CNTRL: variants seen among roughly 807,000 people sequenced by gnomAD.
CNTRL encodes the protein 110 kDa centrosomal protein.
Under a neutral mutation model 303.7 loss-of-function variants are expected in CNTRL, and 233 were observed. The ratio of observed to expected loss-of-function variants is 0.77; its 90% confidence interval spans 0.69 to 0.86. The LOEUF (loss-of-function observed/expected upper bound fraction) is 0.86. Among genes scored for constraint, CNTRL ranks in the 40% least tolerant of loss-of-function variants. CNTRL has a pLI of 0.00. For missense variants in CNTRL, 2,524 were observed against 2,650.6 expected, an observed-to-expected ratio of 0.95 and a Z score of 1.05; for synonymous variants, 900 against 922.2, an observed-to-expected ratio of 0.98 and a Z score of 0.44.
intron 26 of CNTRL, 145 bp downstream of exon 26, chr9:121,152,838 A>G: frequency 1.5e-6 from 1 of 650,070 alleles, no homozygotes; most frequent in Non-Finnish European, 2.7e-6. Context: ...TGAGCACTTG[A>G]AATGTGGCTG....
At chr9:121,107,515 G>T (rs2132980263) in intron 7 of CNTRL, among the ~76,000 whole-genome samples, 1 of 152,166 alleles carries the variant, frequency 6.6e-6, no homozygotes, top group Admixed American at 6.5e-5. Flanking sequence ...AATATTGCAT[G>T]TTTTTCAAAG....
At chr9:121,102,709 A>T (rs2132765987) in intron 7 of CNTRL, among the ~76,000 whole-genome samples, 1 of 152,368 alleles carries the variant, frequency 6.6e-6, no homozygotes, top group Non-Finnish European at 1.5e-5. Context: ...CTCTCAGGAT[A>T]CAAAATCAAT....
At chr9:121,126,507 A>G (rs1231507038) in intron 14 of CNTRL, among the ~76,000 whole-genome samples, 1 of 152,182 alleles carries the variant, frequency 6.6e-6, no homozygotes, top group Non-Finnish European at 1.5e-5. Context: ...TTGAATTAAT[A>G]TATTTTAATA....
intron 43 of CNTRL, among the ~76,000 whole-genome samples, chr9:121,176,813 A>C (rs1047229390): frequency 1.3e-5 from 2 of 152,150 alleles, no homozygotes; most frequent in African/African-American, 2.4e-5. Flanking sequence ...AACAGATACT[A>C]CACTTGATCT....
At chr9:121,138,494 A>G (rs1335757733) in intron 15 of CNTRL, 51 bp from the exon 16 acceptor site, 1 of 1,574,296 alleles carries the variant, frequency 6.4e-7, no homozygotes, top group East Asian at 2.3e-5. Context: ...TTTTAAAATC[A>G]TAAATTATTG....
intron 2 of CNTRL, among the ~76,000 whole-genome samples, chr9:121,088,057 A>G (rs1048601345): frequency 1.3e-5 from 2 of 152,200 alleles, no homozygotes; most frequent in African/African-American, 4.8e-5. Context: ...CAGAACAGGA[A>G]TGACAACACT....
intron 14 of CNTRL, among the ~76,000 whole-genome samples, chr9:121,133,261 T>C (rs2050978408): frequency 6.6e-6 from 1 of 152,234 alleles, no homozygotes; most frequent in Admixed American, 6.5e-5. Context: ...AGTCTACATG[T>C]AGAGGCAGAG....
chr9:121,081,937 G>T (rs1348373890), intron 2 of CNTRL, among the ~76,000 whole-genome samples: 2 of 152,160 alleles, frequency 1.3e-5, no homozygotes, highest in Non-Finnish European at 2.9e-5. Context: ...AGTCTTTCTG[G>T]TGACTGGCCC....
intron 7 of CNTRL, among the ~76,000 whole-genome samples, chr9:121,106,199 T>C (rs796615858): frequency 7.3e-5 from 11 of 151,714 alleles, no homozygotes; most frequent in African/African-American, 2.7e-4. Context: ...ATTAGCTGGG[T>C]GTGGTTTTGG....
chr9:121,147,356 G>A (rs532220192), intron 23 of CNTRL, among the ~76,000 whole-genome samples: 1 of 151,900 alleles, frequency 6.6e-6, no homozygotes, highest in East Asian at 1.9e-4. Flanking sequence ...ACTTAATTAT[G>A]TAGGCCATAA....
chr9:121,167,593 A>G lies in CNTRL; in HGVS notation c.5760A>G (p.Lys1920=), dbSNP rs1436958638. ...EWANRFEDCQ[K]EEETKQQQLQ... Reference sequence around the variant, plus strand: ...CAAATAGGTTTGAAGACTGTCAGAAAGAAGAGGAGACAAAACAACAACAAC... The same window carrying G: ...CAAATAGGTTTGAAGACTGTCAGAAGGAAGAGGAGACAAAACAACAACAAC... The change falls in exon 37 of 44, where the codon AAA becomes AAG. Residue 1920 remains lysine, a synonymous_variant. Transcript: ENST00000373855. 1.9e-6 allele frequency: 3 copies of G among 1,614,220 alleles called. No individual in the cohort carries two copies. The South Asian group carries it at 3.3e-5, about 18-fold the overall frequency.
chr9:121,108,389 C>T (rs988365625), intron 8 of CNTRL, among the ~76,000 whole-genome samples: 3 of 152,116 alleles, frequency 2.0e-5, no homozygotes, highest in African/African-American at 4.8e-5. Context: ...CCCTGGTGCA[C>T]GTTACTCAGC....
chr9:121,161,463 G>T, intron 32 of CNTRL: 1 of 353,790 alleles, frequency 2.8e-6, no homozygotes, highest in Non-Finnish European at 5.1e-6. Context: ...AGAAGCAAAT[G>T]CTTTGGAACC....
chr9:121,140,898 C>G, intron 17 of CNTRL, 112 bp downstream of exon 17: 1 of 1,052,426 alleles, frequency 9.5e-7, no homozygotes, highest in East Asian at 2.7e-5. Flanking sequence ...TGGCAAATTT[C>G]TTTTGTAAGG....
At chr9:121,161,484 T>C in intron 32 of CNTRL, 1 of 343,460 alleles carries the variant, frequency 2.9e-6, no homozygotes, top group Non-Finnish European at 5.2e-6. Flanking sequence ...AGATCTTTGT[T>C]AATTAAATGT....
intron 8 of CNTRL, among the ~76,000 whole-genome samples, chr9:121,110,114 G>C (rs1024989477): frequency 6.6e-6 from 1 of 152,140 alleles, no homozygotes; most frequent in Non-Finnish European, 1.5e-5. Context: ...TAAAAGAAAA[G>C]TAGCACTGAA....
intron 25 of CNTRL, among the ~76,000 whole-genome samples, chr9:121,151,870 G>T (rs2052284219): frequency 6.6e-6 from 1 of 152,068 alleles, no homozygotes; most frequent in African/African-American, 2.4e-5. Flanking sequence ...AGTTTTAGAG[G>T]GTCTGTGTGC....
chr9:121,175,019 C>T lies in CNTRL; in HGVS notation c.6749C>T (p.Ala2250Val). 6.2e-7 allele frequency: 1 copy of T among 1,613,454 alleles called. No individual in the cohort carries two copies. The highest frequency in any genetic ancestry group is 8.5e-7 in the Non-Finnish European group (1 of 1,179,742). ...KLRHREDRLK[A>V]QLRHCMSKQA... ...CCTAAGTCTTATCACACTTTTCAGG[C>T]CCAACTCCGACACTGTATGTCCAAG... The change falls in exon 43 of 44, where the codon GCC (alanine) becomes GTC (valine). Residue 2250 changes from alanine (A) to valine (V), a missense_variant and splice_region_variant. Coordinates refer to ENST00000373855, the MANE Select transcript of CNTRL (RefSeq NM_007018.6).
Position 121,135,662 on chromosome 9 carries a change from G to A in CNTRL, c.2026-144G>A, listed in dbSNP as rs534056411. ...CAGGATATGCACAACCTGAGGCTTC[G>A]TCATATTGCTACTGAAAACTTTGTG... is the stretch of plus-strand genomic sequence containing the variant. On this transcript the variant is annotated intron_variant, in intron 14 of 43. Transcript: ENST00000373855. 1.0e-3 allele frequency: 649 copies of A among 632,232 alleles called. 1 individual carries two copies. Among genetic ancestry groups the A allele is most frequent in the African/African-American group, 3.2e-3 (176 of 54,786 alleles). 39.2% of individuals were successfully genotyped at this position (632,232 alleles called of 1,614,324 possible).
Sources: gnomAD v4.1 joint callset for allele counts (sites outside exome capture counted in the v4.1 genomes callset) on GRCh38, gnomAD v4.1.1 for gene constraint, MANE v1.5 for transcripts, NCBI Gene and HGNC (gene_info 2026-07-23, HGNC 2026-07-21) for gene names.